Variants in ASCC1 observed in about 807,000 individuals in gnomAD.
The protein encoded by ASCC1 is ASC-1 complex subunit P50.
ASCC1 carries 35 observed loss-of-function variants against 46.6 expected under a neutral mutation model. The observed-to-expected ratio is 0.75, with a 90% CI of 0.57 to 0.99. ASCC1 has a LOEUF of 0.99. ASCC1 is among the 50% of genes least tolerant of loss of function. The pLI is 0.00. For missense variants in ASCC1, 376 were observed against 428.7 expected, an observed-to-expected ratio of 0.88 and a Z score of 1.09; for synonymous variants, 143 against 146.6, an observed-to-expected ratio of 0.98 and a Z score of 0.18.
chr10:72,216,811 C>A (rs1239292493), upstream of ASCC1: 2 of 456,098 alleles, frequency 4.4e-6, no homozygotes, highest in South Asian at 3.1e-5. Flanking sequence ...CACTGTCAGC[C>A]CCAACTTACC....
intron 5 of ASCC1, among the ~76,000 whole-genome samples, chr10:72,181,494 TA>T (rs1250000124): frequency 1.3e-5 from 2 of 152,036 alleles, no homozygotes; most frequent in Admixed American, 1.3e-4. Flanking sequence ...AGCTGAAATT[TA>T]AAAAACAAAC....
chr10:72,168,221 A>G (rs1850618252), intron 5 of ASCC1, among the ~76,000 whole-genome samples: 1 of 152,114 alleles, frequency 6.6e-6, no homozygotes, highest in African/African-American at 2.4e-5. Flanking sequence ...AAAATAAAAT[A>G]CTTTTAAAAA....
chr10:72,152,738 A>G (rs2132561704), intron 7 of ASCC1, 131 bp downstream of exon 7: 1 of 1,151,156 alleles, frequency 8.7e-7, no homozygotes, highest in Non-Finnish European at 1.2e-6. Context: ...CTATTAAAAA[A>G]AAAGAGAGAG....
intron 7 of ASCC1, among the ~76,000 whole-genome samples, chr10:72,137,203 A>T (rs1440164002): frequency 6.6e-6 from 1 of 151,358 alleles, no homozygotes; most frequent in Non-Finnish European, 1.5e-5. Context: ...GGTGTGAGCC[A>T]CCATGCCAGG....
At chr10:72,182,983 C>T (rs1297805824) in intron 5 of ASCC1, among the ~76,000 whole-genome samples, 3 of 146,594 alleles carry the variant, frequency 2.0e-5, no homozygotes, top group African/African-American at 7.9e-5. Context: ...ACAAATTTTT[C>T]TACATTGAAA....
chr10:72,136,110 A>C (rs191269337), intron 7 of ASCC1, among the ~76,000 whole-genome samples: 1 of 151,918 alleles, frequency 6.6e-6, no homozygotes, highest in African/African-American at 2.4e-5. Flanking sequence ...GCAGCCTTGA[A>C]CTCCTGGGGT....
chr10:72,136,155 T>C (rs12217473), intron 7 of ASCC1, among the ~76,000 whole-genome samples: 7,000 of 152,250 alleles, frequency 0.046, 174 homozygotes, highest in South Asian at 0.073. Flanking sequence ...CCCAAGTTGT[T>C]GGGACTACAA....
intron 5 of ASCC1, among the ~76,000 whole-genome samples, chr10:72,187,552 C>G (rs972841219): frequency 6.7e-6 from 1 of 149,244 alleles, no homozygotes; most frequent in Non-Finnish European, 1.5e-5. Context: ...AACCCTGTCT[C>G]TACTAAAAAT....
intron 9 of ASCC1, among the ~76,000 whole-genome samples, chr10:72,110,917 CAT>C (rs1294226601): frequency 6.6e-6 from 1 of 152,198 alleles, no homozygotes; most frequent in Non-Finnish European, 1.5e-5. Flanking sequence ...GAGGCTGCCA[CAT>C]GTTATCAACT....
chr10:72,205,700 G>A (rs1282239552), intron 3 of ASCC1, among the ~76,000 whole-genome samples: 1 of 152,014 alleles, frequency 6.6e-6, no homozygotes, highest in Non-Finnish European at 1.5e-5. Context: ...GGAAGGCTGA[G>A]CAGGAGAATT....
chr10:72,134,832 A>C (rs1400518059), intron 7 of ASCC1, among the ~76,000 whole-genome samples: 1 of 152,252 alleles, frequency 6.6e-6, no homozygotes, highest in Admixed American at 6.5e-5. Context: ...GGAAAAAAGG[A>C]ATAACCGTAC....
At chr10:72,172,714 TATA>T (rs1377735007) in intron 5 of ASCC1, among the ~76,000 whole-genome samples, 2 of 139,198 alleles carry the variant, frequency 1.4e-5, no homozygotes, top group East Asian at 2.0e-4. Context: ...ATATATTATA[TATA>T]ATATTTTTAT....
chr10:72,188,286 T>C (rs191278278), intron 5 of ASCC1, among the ~76,000 whole-genome samples: 262 of 151,754 alleles, frequency 1.7e-3, no homozygotes, highest in African/African-American at 6.1e-3. Flanking sequence ...GCCCAGCTAA[T>C]TTTTGTATTT....
In ASCC1 at chr10:72,182,827, A is replaced by AG. The variant is rs1554837155; in HGVS notation, c.489+13983_489+13984insC. The stretch of plus-strand genomic sequence containing the variant: ...CCTGTCTCTAAAAGAAAAAAAAAAA[A>AG]AGAGAGAGAGAGACAAAAAACTAAA... On this transcript the variant is annotated intron_variant, in intron 5 of 9. Coordinates refer to ENST00000672957, the MANE Select transcript of ASCC1 (RefSeq NM_001198800.3). 1.2e-3 allele frequency among the ~76,000 whole-genome samples: 174 copies of AG among 148,854 alleles called. 4 individuals are homozygous for AG. Among genetic ancestry groups the AG allele is most frequent in the African/African-American group, 3.5e-3 (138 of 39,410 alleles).
intron 9 of ASCC1, among the ~76,000 whole-genome samples, chr10:72,097,718 C>T (rs907955348): frequency 6.6e-6 from 1 of 152,150 alleles, no homozygotes; most frequent in Admixed American, 6.5e-5. Context: ...AAGTCAAATC[C>T]GAAATTCATC....
chr10:72,157,098 C>T (rs982814483), intron 6 of ASCC1, among the ~76,000 whole-genome samples: 3 of 152,180 alleles, frequency 2.0e-5, no homozygotes, highest in Admixed American at 1.3e-4. Context: ...TGAGCCACTG[C>T]GCCCGGCCCA....
chr10:72,114,008 T>A (rs1351706655), intron 9 of ASCC1, among the ~76,000 whole-genome samples: 1 of 152,226 alleles, frequency 6.6e-6, no homozygotes, highest in Admixed American at 6.5e-5. Context: ...GCACTTTATT[T>A]TTCATTCAAT....
chr10:72,195,127 G>GT (rs1207249700), intron 5 of ASCC1, among the ~76,000 whole-genome samples: 5 of 103,968 alleles, frequency 4.8e-5, no homozygotes, highest in Admixed American at 9.9e-5. Context: ...GGTTTTGTGT[G>GT]TTTTTTGCTG....
intron 5 of ASCC1, among the ~76,000 whole-genome samples, chr10:72,163,209 G>A (rs1421953971): frequency 6.6e-6 from 1 of 152,090 alleles, no homozygotes; most frequent in Non-Finnish European, 1.5e-5. Flanking sequence ...AAAGAGTTTG[G>A]CAGTTCCTCA....
Sources: allele counts gnomAD v4.1 joint callset (sites outside exome capture counted in the v4.1 genomes callset), GRCh38; gene constraint gnomAD v4.1.1; transcripts MANE v1.5; gene names NCBI Gene and HGNC (gene_info 2026-07-23, HGNC 2026-07-21).